The following ADAM12 variants were observed in gnomAD, a reference collection of about 807,000 sequenced individuals.
ADAM12 encodes the protein disintegrin and metalloproteinase domain-containing protein 12.
In ADAM12, 70 loss-of-function variants were observed where a neutral mutation model predicts 106.4. That is an observed-to-expected ratio of 0.66 (90% confidence interval 0.54 to 0.80). The LOEUF is 0.80. Ranked by LOEUF, ADAM12 falls within the 30% of genes least tolerant of loss-of-function variation. The probability of loss-of-function intolerance (pLI) is 0.00; values close to 1 mark genes in which losing one functional copy is unlikely to be tolerated. For synonymous variants in ADAM12, 420 were observed against 433.5 expected, an observed-to-expected ratio of 0.97 and a Z score of 0.39; for missense variants, 1,010 against 1,171.9, an observed-to-expected ratio of 0.86 and a Z score of 2.02.
intron 3 of ADAM12, among the ~76,000 whole-genome samples, chr10:126,202,081 CTT>C (rs924954268): frequency 1.3e-5 from 2 of 152,228 alleles, no homozygotes; most frequent in African/African-American, 4.8e-5. Flanking sequence ...TCCATTCACT[CTT>C]GTCTTAATGC....
intron 1 of ADAM12, among the ~76,000 whole-genome samples, chr10:126,357,173 G>C (rs575354547): frequency 1.3e-5 from 2 of 152,132 alleles, no homozygotes; most frequent in East Asian, 3.9e-4. Flanking sequence ...TAATCAAACT[G>C]TCAAAACTTA....
intron 4 of ADAM12, among the ~76,000 whole-genome samples, chr10:126,144,148 G>A (rs1026089607): frequency 6.6e-6 from 1 of 152,162 alleles, no homozygotes; most frequent in African/African-American, 2.4e-5. Context: ...GAGAACAAAC[G>A]CTTACAAAAT....
chr10:126,278,064 G>GA (rs562789414), intron 3 of ADAM12, among the ~76,000 whole-genome samples: 27 of 152,208 alleles, frequency 1.8e-4, no homozygotes, highest in African/African-American at 6.3e-4. Flanking sequence ...TCTTGTTTCA[G>GA]AAAAAATCAC....
At chr10:126,314,016 CT>C (rs1961235839) in intron 2 of ADAM12, among the ~76,000 whole-genome samples, 5 of 151,856 alleles carry the variant, frequency 3.3e-5, no homozygotes, top group Non-Finnish European at 7.4e-5. Context: ...GCTGTAGGCA[CT>C]CACGGATGGA....
chr10:126,169,515 A>G (rs767290535), intron 3 of ADAM12, among the ~76,000 whole-genome samples: 40 of 152,208 alleles, frequency 2.6e-4, no homozygotes, highest in Non-Finnish European at 4.4e-4. Context: ...AAATATGGCA[A>G]AAGCACTCAT....
At chr10:126,060,210 T>G (rs986768322) in intron 14 of ADAM12, among the ~76,000 whole-genome samples, 20 of 152,376 alleles carry the variant, frequency 1.3e-4, no homozygotes, top group Admixed American at 3.3e-4. Flanking sequence ...GCATGTGTTT[T>G]GAATTTTCTG....
chr10:126,304,643 T>A (rs1960766232), intron 2 of ADAM12, among the ~76,000 whole-genome samples: 1 of 152,110 alleles, frequency 6.6e-6, no homozygotes, highest in South Asian at 2.1e-4. Context: ...AAAATTCTGC[T>A]GATCAAAATA....
At chr10:126,161,781 G>A (rs1331888935) in intron 3 of ADAM12, among the ~76,000 whole-genome samples, 1 of 152,164 alleles carries the variant, frequency 6.6e-6, no homozygotes, top group East Asian at 1.9e-4. Context: ...GATGGACAAT[G>A]GCAGTATTGG....
At chr10:126,326,196 C>A (rs1013037138) in intron 2 of ADAM12, among the ~76,000 whole-genome samples, 2 of 145,872 alleles carry the variant, frequency 1.4e-5, no homozygotes, top group African/African-American at 5.1e-5. Context: ...CTAAAATCAC[C>A]GGGGAGTATT....
chr10:126,319,904 T>C (rs1468166099), intron 2 of ADAM12, among the ~76,000 whole-genome samples: 1 of 152,212 alleles, frequency 6.6e-6, no homozygotes, highest in Middle Eastern at 3.2e-3. Flanking sequence ...TGACTTTTAT[T>C]CTTCCTTGCC....
intron 17 of ADAM12, among the ~76,000 whole-genome samples, chr10:126,045,078 G>T (rs1001135922): frequency 1.4e-4 from 21 of 152,160 alleles, no homozygotes; most frequent in Non-Finnish European, 2.9e-4. Context: ...AAGGCCAAGG[G>T]GTATTGGAAA....
chr10:126,332,637 A>C (rs1854560756), intron 1 of ADAM12, among the ~76,000 whole-genome samples: 1 of 152,342 alleles, frequency 6.6e-6, no homozygotes, highest in Admixed American at 6.5e-5. Context: ...TGAGCTTATA[A>C]GCTGAGAGCT....
intron 20 of ADAM12, 68 bp downstream of exon 20, chr10:126,038,173 T>G: frequency 1.5e-6 from 2 of 1,360,362 alleles, no homozygotes; most frequent in Non-Finnish European, 2.1e-6. Context: ...CCATTCTTAT[T>G]CAGTCTCGTA....
At chr10:126,248,685 G>GTATGTATGTATGTATT (rs1291820531) in intron 3 of ADAM12, among the ~76,000 whole-genome samples, 6 of 67,070 alleles carry the variant, frequency 8.9e-5, no homozygotes, top group Admixed American at 4.7e-4. Flanking sequence ...ATGTATGTAT[G>GTATGTATGTATGTATT]TATTTATTTA....
At chr10:126,114,855 G>A (rs1470348815) in intron 6 of ADAM12, among the ~76,000 whole-genome samples, 1 of 152,196 alleles carries the variant, frequency 6.6e-6, no homozygotes, top group East Asian at 1.9e-4. Context: ...GGTTGTTAGA[G>A]AGGAATTCAG....
intron 3 of ADAM12, among the ~76,000 whole-genome samples, chr10:126,249,379 C>T (rs1958698633): frequency 2.0e-5 from 3 of 152,114 alleles, no homozygotes; most frequent in African/African-American, 7.2e-5. Flanking sequence ...AAGCAGACGC[C>T]TTACAAATTA....
intron 22 of ADAM12, 139 bp downstream of exon 22, chr10:126,019,556 A>G: frequency 8.7e-7 from 1 of 1,147,252 alleles, no homozygotes; most frequent in Non-Finnish European, 1.2e-6. Flanking sequence ...TGTCATGTCT[A>G]TTTTACGGTA....
At chr10:126,253,775 TG>T (rs1289181953) in intron 3 of ADAM12, among the ~76,000 whole-genome samples, 1 of 152,116 alleles carries the variant, frequency 6.6e-6, no homozygotes, top group Non-Finnish European at 1.5e-5. Flanking sequence ...GGGCAGAGCC[TG>T]GGATAAGCAG....
At chr10:126,056,770 A>C (rs1482817445) in intron 14 of ADAM12, among the ~76,000 whole-genome samples, 1 of 53,790 alleles carries the variant, frequency 1.9e-5, no homozygotes, top group Non-Finnish European at 3.9e-5. Flanking sequence ...GTCCCTACAA[A>C]GGACATGAAC....
Sources: allele counts gnomAD v4.1 joint callset (sites outside exome capture counted in the v4.1 genomes callset), GRCh38; gene constraint gnomAD v4.1.1; transcripts MANE v1.5; gene names NCBI Gene and HGNC (gene_info 2026-07-23, HGNC 2026-07-21).